BACH2: variants seen among roughly 807,000 people sequenced by gnomAD.
The protein encoded by BACH2 is BACH transcriptional regulator 2.
Under a neutral mutation model 61.8 loss-of-function variants are expected in BACH2, and 5 were observed. That is an observed-to-expected ratio of 0.08 (90% confidence interval 0.04 to 0.17). The LOEUF (loss-of-function observed/expected upper bound fraction) is 0.17, where lower values mean the gene tolerates loss of function less well. Ranked by LOEUF, BACH2 falls within the 10% of genes least tolerant of loss-of-function variation. The pLI is 1.00. For synonymous variants in BACH2, 446 were observed against 440.1 expected (o/e 1.01, Z -0.17); for missense variants, 824 against 1,091.1 (o/e 0.76, Z 3.45).
At chr6:90,218,920 C>CGTGTGTGTGT (rs3221352) in intron 3 of BACH2, among the ~76,000 whole-genome samples, 134 of 140,490 alleles carry the variant, frequency 9.5e-4, no homozygotes, top group African/African-American at 3.2e-3. Context: ...GTTTCCTTTC[C>CGTGTGTGTGT]GTGTGTGTGT....
intron 7 of BACH2, among the ~76,000 whole-genome samples, chr6:89,949,964 A>G (rs757878689): frequency 1.3e-5 from 2 of 151,484 alleles, no homozygotes; most frequent in Non-Finnish European, 2.9e-5. Flanking sequence ...GAGGAGAAAG[A>G]GGGGGGTCTG....
In BACH2 at chr6:89,929,539, A is replaced by G. The variant is rs77496686; in HGVS notation, c.*2869T>C. 1,118 of 152,450 alleles carry G rather than the reference A, an allele frequency of 7.3e-3. 18 individuals carry two copies. The highest frequency in any genetic ancestry group is 0.026 in the African/African-American group (1,068 of 41,554). 9.4% of individuals were successfully genotyped at this position (152,450 alleles called of 1,614,324 possible). A position where few individuals can be genotyped will look rare whatever the true frequency, so the allele number is the denominator to read the frequency against. ...AATAACTTGTGAGAAATCTCTATGA[A>G]ATTGGAAGATGGTTTTTAGAGCAGT... On this transcript the variant is annotated 3_prime_UTR_variant, in exon 9 of 9. Coordinates refer to ENST00000257749, the MANE Select transcript of BACH2 (RefSeq NM_021813.4).
At chr6:90,057,315 C>A (rs907135861) in intron 5 of BACH2, among the ~76,000 whole-genome samples, 2 of 152,158 alleles carry the variant, frequency 1.3e-5, no homozygotes, top group East Asian at 3.8e-4. Context: ...CACAGAAATA[C>A]AAACTACCAT....
intron 6 of BACH2, among the ~76,000 whole-genome samples, chr6:89,953,711 C>G (rs2128357501): frequency 6.6e-6 from 1 of 152,302 alleles, no homozygotes; most frequent in Admixed American, 6.5e-5. Flanking sequence ...TGTCATGAGT[C>G]AAACTGTGTC....
chr6:89,976,245 G>A (rs538701305), intron 6 of BACH2, among the ~76,000 whole-genome samples: 6 of 152,354 alleles, frequency 3.9e-5, no homozygotes, highest in East Asian at 1.9e-4. Flanking sequence ...ACGCAAGAGC[G>A]TGAAGCCGGA....
chr6:90,181,706 T>A (rs1768172076), intron 4 of BACH2, among the ~76,000 whole-genome samples: 1 of 152,088 alleles, frequency 6.6e-6, no homozygotes, highest in Non-Finnish European at 1.5e-5. Context: ...CTCAGCCTCT[T>A]GAGTAGCTGG....
At chr6:90,000,976 A>AT (rs1299761830) in intron 6 of BACH2, among the ~76,000 whole-genome samples, 1 of 151,928 alleles carries the variant, frequency 6.6e-6, no homozygotes, top group African/African-American at 2.4e-5. Context: ...GACCAACAGG[A>AT]TTTTTTCTCT....
Position 89,951,498 on chromosome 6 carries a change from T to C in BACH2, c.608A>G (p.Glu203Gly). 6.2e-7 allele frequency: 1 copy of C among 1,614,252 alleles called. No individual in the cohort carries two copies. Among genetic ancestry groups the C allele is most frequent in the Non-Finnish European group, 8.5e-7 (1 of 1,180,038 alleles). Residue 203 changes from glutamate to glycine, a missense_variant, in exon 7 of 9, where the codon GAA (glutamate) becomes GGA (glycine). Physicochemically the swap from Glu to Gly is moderately conservative, Grantham distance 98. Coordinates refer to ENST00000257749, the MANE Select transcript of BACH2 (RefSeq NM_021813.4). This position sits in a 1 kb window ranked among gnomAD's most constrained non-coding sequence, Gnocchi z 6.4. ...GTCAGGCTCGGGCAGCAGGGCTTCT[T>C]CCTTCTCTGCTACGGGGATGGCGGC... ...EAAAIPVAEK[E>G]EALLPEPDVP...
chr6:89,989,450 C>T (rs1562349427), intron 6 of BACH2, among the ~76,000 whole-genome samples: 1 of 152,028 alleles, frequency 6.6e-6, no homozygotes, highest in Non-Finnish European at 1.5e-5. Context: ...TGAAAATAAA[C>T]CCAGGGAGGT....
chr6:90,075,053 C>T (rs1424325540), intron 5 of BACH2, among the ~76,000 whole-genome samples: 1 of 152,090 alleles, frequency 6.6e-6, no homozygotes, highest in Non-Finnish European at 1.5e-5. Context: ...TGACAGCATG[C>T]TGCATCAAGA....
At chr6:90,080,227 G>A (rs1453470594) in intron 5 of BACH2, among the ~76,000 whole-genome samples, 6 of 152,042 alleles carry the variant, frequency 3.9e-5, no homozygotes, top group Non-Finnish European at 7.4e-5. Flanking sequence ...AAAACAGAGC[G>A]GGCTGTGAGG....
At chr6:89,967,457 C>T (rs6454789) in intron 6 of BACH2, among the ~76,000 whole-genome samples, 76,444 of 151,954 alleles carry the variant, frequency 0.5, 20,031 homozygotes, top group Non-Finnish European at 0.57. Flanking sequence ...TTTTAGTCAC[C>T]GAGGTTGCAA....
intron 6 of BACH2, among the ~76,000 whole-genome samples, chr6:89,991,611 T>C (rs1023430937): frequency 6.6e-6 from 1 of 152,136 alleles, no homozygotes; most frequent in Non-Finnish European, 1.5e-5. Context: ...ATAACCAAAA[T>C]ACCATTTTTC....
At chr6:90,006,174 A>G (rs116303857) in intron 6 of BACH2, among the ~76,000 whole-genome samples, 1,750 of 152,332 alleles carry the variant, frequency 0.011, 37 homozygotes, top group African/African-American at 0.04. Flanking sequence ...AGGCAGGAGG[A>G]TCCCTTGAGC....
intron 1 of BACH2, among the ~76,000 whole-genome samples, chr6:90,289,956 T>C (rs1057312972): frequency 6.6e-6 from 1 of 152,248 alleles, no homozygotes; most frequent in Non-Finnish European, 1.5e-5. Context: ...GAATGTTAAC[T>C]TGTATTTTTT....
intron 4 of BACH2, among the ~76,000 whole-genome samples, chr6:90,149,906 C>T (rs1784753821): frequency 6.6e-6 from 1 of 152,170 alleles, no homozygotes; most frequent in African/African-American, 2.4e-5. Context: ...GCAATATCAC[C>T]TCTCTTTGGT....
At chr6:90,158,448 T>A (rs1395047906) in intron 4 of BACH2, among the ~76,000 whole-genome samples, 2 of 151,934 alleles carry the variant, frequency 1.3e-5, no homozygotes, top group East Asian at 1.9e-4. Context: ...AAGGCACAGG[T>A]AGACCCAGGA....
intron 1 of BACH2, among the ~76,000 whole-genome samples, chr6:90,290,093 G>A (rs1772134364): frequency 6.6e-6 from 1 of 152,168 alleles, no homozygotes; most frequent in Non-Finnish European, 1.5e-5. Context: ...AATGGCCCCA[G>A]AGGTTCCAGC....
At chr6:90,263,525 G>A (rs945895417) in intron 2 of BACH2, among the ~76,000 whole-genome samples, 4 of 152,154 alleles carry the variant, frequency 2.6e-5, no homozygotes, top group African/African-American at 9.7e-5. Context: ...TCAAGAAAAT[G>A]TATATCTTTG....
Sources: allele counts gnomAD v4.1 joint callset (sites outside exome capture counted in the v4.1 genomes callset), GRCh38; gene constraint gnomAD v4.1.1; non-coding constraint Gnocchi (gnomAD v3.1); transcripts MANE v1.5; gene names NCBI Gene and HGNC (gene_info 2026-07-23, HGNC 2026-07-21).